The following CREB5 variants were observed in gnomAD, a reference collection of about 807,000 sequenced individuals.
CREB5 encodes cAMP responsive element binding protein 5, also known as cyclic AMP-responsive element-binding protein 5.
A neutral mutation model predicts 57.1 loss-of-function variants in CREB5; 19 were observed. That is an observed-to-expected ratio of 0.33 (90% CI 0.23 to 0.49). The LOEUF (loss-of-function observed/expected upper bound fraction) is 0.49. CREB5 is among the 20% of genes least tolerant of loss of function. The pLI is 0.99. For missense variants in CREB5, 579 were observed against 671.6 expected (o/e 0.86, Z 1.52); for synonymous variants, 238 against 238.3 (o/e 1.00, Z 0.01).
At chr7:28,462,322 G>A (rs986507664) in intron 1 of CREB5, among the ~76,000 whole-genome samples, 4 of 152,082 alleles carry the variant, frequency 2.6e-5, no homozygotes, top group African/African-American at 9.7e-5. Flanking sequence ...CATTAGTTGG[G>A]CATTTGGGTT....
At chr7:28,356,727 G>A (rs2127991441) in intron 1 of CREB5, among the ~76,000 whole-genome samples, 1 of 152,332 alleles carries the variant, frequency 6.6e-6, no homozygotes, top group South Asian at 2.1e-4. Flanking sequence ...CTGGTGTGTG[G>A]CTTTGCTACA....
intron 1 of CREB5, among the ~76,000 whole-genome samples, chr7:28,423,051 C>T (rs1236992310): frequency 6.6e-6 from 1 of 152,160 alleles, no homozygotes; most frequent in Non-Finnish European, 1.5e-5. Context: ...AAGTGCCAGA[C>T]ATATAACTGG....
chr7:28,761,122 T>C (rs562229764), intron 7 of CREB5, among the ~76,000 whole-genome samples: 1 of 152,098 alleles, frequency 6.6e-6, no homozygotes, highest in Admixed American at 6.6e-5. Context: ...CAGTATATGA[T>C]TGACAGGGTT....
chr7:28,745,503 T>A (rs1325291858), intron 7 of CREB5, among the ~76,000 whole-genome samples: 1 of 152,228 alleles, frequency 6.6e-6, no homozygotes, highest in Non-Finnish European at 1.5e-5. Flanking sequence ...AGGCTCAGAA[T>A]ATGCTGAGGT....
At chr7:28,733,425 AC>A (rs1330108146) in intron 7 of CREB5, among the ~76,000 whole-genome samples, 26 of 151,284 alleles carry the variant, frequency 1.7e-4, no homozygotes. Flanking sequence ...TCGCTCCAGG[AC>A]CCCCTCTCAG....
intron 1 of CREB5, among the ~76,000 whole-genome samples, chr7:28,479,495 T>C (rs1791232889): frequency 6.6e-6 from 1 of 152,240 alleles, no homozygotes. Flanking sequence ...AATCTTCAGA[T>C]GGCATGAGAT....
chr7:28,458,439 G>A (rs574566684), intron 1 of CREB5, among the ~76,000 whole-genome samples: 1 of 152,312 alleles, frequency 6.6e-6, no homozygotes, highest in South Asian at 2.1e-4. Context: ...TCAAACTTAT[G>A]TAAAGTTGGA....
chr7:28,798,546 A>G (rs781404999), intron 7 of CREB5, among the ~76,000 whole-genome samples: 28 of 152,232 alleles, frequency 1.8e-4, no homozygotes, highest in Non-Finnish European at 3.5e-4. Flanking sequence ...AGCAGCGGCC[A>G]CACTCGGATG....
upstream of CREB5, chr7:28,412,382 T>G (rs1787834635): frequency 6.6e-6 from 1 of 152,304 alleles, no homozygotes; most frequent in Non-Finnish European, 1.5e-5. Flanking sequence ...GACAAGTTCT[T>G]AACTCCCAGG....
chr7:28,539,351 C>G (rs936020173), intron 4 of CREB5, among the ~76,000 whole-genome samples: 8 of 152,166 alleles, frequency 5.3e-5, no homozygotes, highest in Non-Finnish European at 1.5e-5. Flanking sequence ...GCTGTCTGCT[C>G]TTACTTGCTG....
chr7:28,469,632 A>G (rs562763504), intron 1 of CREB5, among the ~76,000 whole-genome samples: 1 of 152,338 alleles, frequency 6.6e-6, no homozygotes, highest in Admixed American at 6.5e-5. Flanking sequence ...ATAGAACCAT[A>G]TGCTTTTCTG....
At position 28,809,247 on chromosome 7, in the gene CREB5, G is replaced by T; in HGVS notation, c.1087G>T (p.Gly363Trp). 1 of 1,614,096 alleles carries T rather than the reference G, an allele frequency of 6.2e-7. No individual in the cohort carries two copies. Among genetic ancestry groups the T allele is most frequent in the Non-Finnish European group, 8.5e-7 (1 of 1,180,006 alleles). ...GACAATACAGCCACCCCAGCCCACA[G>T]GGGGGCGCCGGCGAAGGGTGGTAGA... ...TQTIQPPQPTGGRRRRVVDED... is the reference protein window; with the variant it reads ...TQTIQPPQPTWGRRRRVVDED... The change falls in exon 9 of 11, where the codon GGG becomes TGG. Residue 363 changes from glycine (G) to tryptophan (W), a missense_variant. Physicochemically the swap from Gly to Trp is radical, Grantham distance 184 (BLOSUM62 -2). Coordinates refer to ENST00000357727, the MANE Select transcript of CREB5 (RefSeq NM_182898.4).
intron 5 of CREB5, among the ~76,000 whole-genome samples, chr7:28,589,700 C>G (rs1796428456): frequency 1.3e-5 from 2 of 152,088 alleles, no homozygotes; most frequent in Admixed American, 1.3e-4. Flanking sequence ...TCTAGAGTCT[C>G]TTATTATTGA....
intron 1 of CREB5, among the ~76,000 whole-genome samples, chr7:28,390,662 A>G (rs1251951105): frequency 1.3e-5 from 2 of 152,142 alleles, no homozygotes; most frequent in Non-Finnish European, 2.9e-5. Context: ...CCATCTCTGT[A>G]TAGCAGCATT....
intron 7 of CREB5, among the ~76,000 whole-genome samples, chr7:28,796,152 C>A (rs765908751): frequency 6.6e-6 from 1 of 152,142 alleles, no homozygotes; most frequent in Non-Finnish European, 1.5e-5. Flanking sequence ...TTTTCATTAT[C>A]TCAAAAGGAA....
At chr7:28,719,066 CT>C (rs1393938876) in intron 6 of CREB5, among the ~76,000 whole-genome samples, 187 bp downstream of exon 6, 1 of 152,162 alleles carries the variant, frequency 6.6e-6, no homozygotes, top group East Asian at 1.9e-4. Flanking sequence ...ATCGTGTTGG[CT>C]TCCCCACCCT....
chr7:28,670,698 C>T (rs1800003158), intron 5 of CREB5, among the ~76,000 whole-genome samples: 2 of 152,192 alleles, frequency 1.3e-5, no homozygotes, highest in Admixed American at 6.5e-5. Flanking sequence ...AAGCCTGGAA[C>T]TATAAATCAA....
intron 3 of CREB5, among the ~76,000 whole-genome samples, 176 bp downstream of exon 3, chr7:28,495,175 C>A (rs1337908545): frequency 6.6e-6 from 1 of 152,110 alleles, no homozygotes; most frequent in Non-Finnish European, 1.5e-5. Context: ...TGAAGAGCGG[C>A]AACTTCTCAT....
chr7:28,318,572 T>A (rs529861658), intron 1 of CREB5, among the ~76,000 whole-genome samples: 1 of 152,220 alleles, frequency 6.6e-6, no homozygotes, highest in South Asian at 2.1e-4. Flanking sequence ...AGAGCCTCCC[T>A]TCTCTGCTAC....
Sources: gnomAD v4.1 joint callset for allele counts (sites outside exome capture counted in the v4.1 genomes callset) on GRCh38, gnomAD v4.1.1 for gene constraint, MANE v1.5 for transcripts, NCBI Gene and HGNC (gene_info 2026-07-23, HGNC 2026-07-21) for gene names.